OPCML: variants seen among roughly 807,000 people sequenced by gnomAD.
OPCML encodes opioid binding protein/cell adhesion molecule like.
Under a neutral mutation model 37.8 loss-of-function variants are expected in OPCML, and 13 were observed. That is an observed-to-expected ratio of 0.34 (90% CI 0.22 to 0.55). OPCML has a LOEUF of 0.55. Ranked by LOEUF, OPCML falls within the 20% of genes least tolerant of loss-of-function variation. The pLI is 0.91. For synonymous variants in OPCML, 176 were observed against 168.8 expected (o/e 1.04, Z -0.33); for missense variants, 341 against 435.6 (o/e 0.78, Z 1.93).
chr11:133,239,984 T>A (rs545991014), intron 1 of OPCML, among the ~76,000 whole-genome samples: 4 of 152,228 alleles, frequency 2.6e-5, no homozygotes. Context: ...CGAAGGTATT[T>A]TGCCCTAGAG....
chr11:133,363,746 C>T (rs781163886), intron 1 of OPCML, among the ~76,000 whole-genome samples: 11 of 152,118 alleles, frequency 7.2e-5, no homozygotes, highest in Non-Finnish European at 1.0e-4. Context: ...ACCACGACCC[C>T]CAAAGGTCAG....
At chr11:132,660,463 C>T (rs137892546) in intron 2 of OPCML, among the ~76,000 whole-genome samples, 1 of 152,122 alleles carries the variant, frequency 6.6e-6, no homozygotes, top group Non-Finnish European at 1.5e-5. Flanking sequence ...AACATGGCAT[C>T]AAATTCATTC....
chr11:132,552,021 G>T (rs2096382870), intron 3 of OPCML, among the ~76,000 whole-genome samples: 1 of 152,122 alleles, frequency 6.6e-6, no homozygotes, highest in South Asian at 2.1e-4. Context: ...CTGAGTCTGG[G>T]TCCCATTCTC....
At chr11:132,692,370 A>G (rs1008538417) in intron 2 of OPCML, among the ~76,000 whole-genome samples, 2 of 152,198 alleles carry the variant, frequency 1.3e-5, no homozygotes, top group East Asian at 3.9e-4. Flanking sequence ...CAGCTCATGC[A>G]TCTATAGGAT....
intron 1 of OPCML, among the ~76,000 whole-genome samples, chr11:133,389,812 A>G (rs1945130348): frequency 6.6e-6 from 1 of 152,212 alleles, no homozygotes; most frequent in African/African-American, 2.4e-5. Flanking sequence ...AGGGACTTTC[A>G]TGGTGCATAG....
chr11:133,017,490 T>C (rs2136892527), intron 1 of OPCML, among the ~76,000 whole-genome samples: 1 of 152,048 alleles, frequency 6.6e-6, no homozygotes, highest in Middle Eastern at 3.4e-3. Flanking sequence ...CTCCGCCTCC[T>C]GGGTTCAAGC....
chr11:132,443,334 G>A (rs2136790763), intron 4 of OPCML, among the ~76,000 whole-genome samples: 1 of 152,332 alleles, frequency 6.6e-6, no homozygotes, highest in South Asian at 2.1e-4. Flanking sequence ...AGGGAAATGA[G>A]CTGCCAGAAG....
At chr11:132,462,274 G>A (rs1290610153) in intron 4 of OPCML, among the ~76,000 whole-genome samples, 2 of 152,138 alleles carry the variant, frequency 1.3e-5, no homozygotes, top group Non-Finnish European at 2.9e-5. Context: ...AGTGTTCTGT[G>A]TTGACTGTGT....
At chr11:133,504,007 C>A (rs1180888456) in intron 1 of OPCML, among the ~76,000 whole-genome samples, 2 of 151,672 alleles carry the variant, frequency 1.3e-5, no homozygotes, top group Non-Finnish European at 2.9e-5. Flanking sequence ...CGGGCCAAGA[C>A]GGGCTTCCTG....
intron 1 of OPCML, among the ~76,000 whole-genome samples, chr11:133,229,583 A>T (rs1361158412): frequency 6.6e-6 from 1 of 151,966 alleles, no homozygotes; most frequent in Non-Finnish European, 1.5e-5. Context: ...ACCGTTCTCA[A>T]ATTAATAGGA....
chr11:132,749,931 G>A (rs1442487853), intron 2 of OPCML, among the ~76,000 whole-genome samples: 1 of 152,006 alleles, frequency 6.6e-6, no homozygotes, highest in Non-Finnish European at 1.5e-5. Flanking sequence ...TGCCCAGGCT[G>A]GAGTGCCATG....
intron 1 of OPCML, among the ~76,000 whole-genome samples, chr11:133,263,804 G>A (rs1200915693): frequency 6.6e-6 from 1 of 152,070 alleles, no homozygotes; most frequent in Non-Finnish European, 1.5e-5. Flanking sequence ...AAAAAATAAC[G>A]GCATACTTCT....
chr11:132,629,753 C>A (rs982074920), intron 3 of OPCML, among the ~76,000 whole-genome samples: 5 of 151,822 alleles, frequency 3.3e-5, no homozygotes, highest in East Asian at 1.9e-4. Context: ...TACTTAAAAC[C>A]AAGCAGATAA....
rs571971895 is a variant in OPCML, at chr11:132,838,446, A to T, written c.146+104480T>A. On this transcript the variant is annotated intron_variant, in intron 2 of 7. Coordinates refer to ENST00000524381, the MANE Select transcript of OPCML (RefSeq NM_001012393.5). ...TATGTCAAGCAGACATTTGGCCTGG[A>T]TAAATGACACAGATCCTGCCTACAA... Among the ~76,000 whole-genome samples, 6 of 152,356 alleles carry T rather than the reference A, an allele frequency of 3.9e-5. No individual in the cohort carries two copies. In the South Asian group the frequency reaches 1.2e-3, roughly 32 times the overall value.
At chr11:132,604,427 C>A (rs563204150) in intron 3 of OPCML, among the ~76,000 whole-genome samples, 1 of 152,236 alleles carries the variant, frequency 6.6e-6, no homozygotes, top group East Asian at 1.9e-4. Flanking sequence ...ATTCCAGTCC[C>A]TTCTCCTGGC....
intron 7 of OPCML, 141 bp from the exon 8 acceptor site, chr11:132,420,434 C>A: frequency 7.1e-7 from 1 of 1,411,508 alleles, no homozygotes. Flanking sequence ...AGGAAAAAGC[C>A]CATTGGGAGT....
chr11:132,982,309 C>T (rs1424015112), intron 1 of OPCML, among the ~76,000 whole-genome samples: 1 of 150,324 alleles, frequency 6.7e-6, no homozygotes, highest in Non-Finnish European at 1.5e-5. Context: ...ATCCCTCTCT[C>T]CTTTGAACAC....
chr11:132,643,838 T>A (rs1941000168), intron 3 of OPCML, among the ~76,000 whole-genome samples: 1 of 152,156 alleles, frequency 6.6e-6, no homozygotes, highest in Non-Finnish European at 1.5e-5. Context: ...CCTAGAAGTG[T>A]GTGTGTTTTG....
intron 2 of OPCML, among the ~76,000 whole-genome samples, chr11:132,660,158 A>G (rs1377357266): frequency 6.6e-6 from 1 of 152,192 alleles, no homozygotes; most frequent in African/African-American, 2.4e-5. Context: ...CTTTTTTTAA[A>G]TGCCGTAGAT....
Sources: gnomAD v4.1 joint callset for allele counts (sites outside exome capture counted in the v4.1 genomes callset) on GRCh38, gnomAD v4.1.1 for gene constraint, MANE v1.5 for transcripts, NCBI Gene and HGNC (gene_info 2026-07-23, HGNC 2026-07-21) for gene names.